The following DTNA variants were observed in gnomAD, a reference collection of about 807,000 sequenced individuals.
DTNA encodes dystrobrevin alpha, also known as dystrophin-related protein 3.
DTNA carries 43 observed loss-of-function variants against 100.7 expected under a neutral mutation model. That is an observed-to-expected ratio of 0.43 (90% CI 0.33 to 0.55). DTNA has a LOEUF of 0.55. Ranked by LOEUF, DTNA falls within the 20% of genes least tolerant of loss-of-function variation. The probability of loss-of-function intolerance (pLI) is 0.04; values close to 1 mark genes in which losing one functional copy is unlikely to be tolerated. For missense variants in DTNA, 798 were observed against 953.9 expected, an observed-to-expected ratio of 0.84 and a Z score of 2.15; for synonymous variants, 349 against 347.9, an observed-to-expected ratio of 1.00 and a Z score of -0.04.
intron 11 of DTNA, among the ~76,000 whole-genome samples, chr18:34,831,636 C>T (rs891217551): frequency 2.0e-5 from 3 of 152,038 alleles, no homozygotes; most frequent in African/African-American, 4.8e-5. Flanking sequence ...GGCACAGTGG[C>T]GGGTGCCTGT....
chr18:34,748,914 A>G (rs1486377912), intron 1 of DTNA, among the ~76,000 whole-genome samples: 6 of 152,112 alleles, frequency 3.9e-5, no homozygotes, highest in Non-Finnish European at 5.9e-5. Context: ...TTTTCACAAT[A>G]TTGATTCTAC....
chr18:34,534,317 A>C (rs189302352), intron 1 of DTNA, among the ~76,000 whole-genome samples: 9 of 152,188 alleles, frequency 5.9e-5, no homozygotes, highest in South Asian at 2.1e-4. Context: ...CAGTCACTTA[A>C]AATAGTATTT....
At chr18:34,555,621 A>G (rs1412884491) in intron 1 of DTNA, among the ~76,000 whole-genome samples, 1 of 151,828 alleles carries the variant, frequency 6.6e-6, no homozygotes, top group Admixed American at 6.6e-5. Flanking sequence ...TTCTGCCTTC[A>G]TTTCGTTATG....
At position 34,882,167 on chromosome 18, in the gene DTNA, A is replaced by C. The variant is rs1005576188; in HGVS notation, c.2261A>C (p.Tyr754Ser). The C allele has an allele frequency of 6.2e-7, 1 of 1,613,916 alleles. No homozygotes were observed. The highest frequency in any genetic ancestry group is 8.5e-7 in the Non-Finnish European group (1 of 1,179,988). ...GAGAATGAGCTCCAGATGGAGGAATACCTGAAACAGAAGCTGCAAGATGAA... is the reference window on the plus strand; with the variant it reads ...GAGAATGAGCTCCAGATGGAGGAATCCCTGAAACAGAAGCTGCAAGATGAA... Reference protein sequence around the residue: ...QLENELQMEEYLKQKLQDEAY... With the variant: ...QLENELQMEESLKQKLQDEAY... Residue 754 changes from tyrosine (Y) to serine (S), a missense_variant, in exon 21 of 23, where the codon TAC (tyrosine) becomes TCC (serine). Coordinates refer to ENST00000444659, the MANE Select transcript of DTNA (RefSeq NM_001386795.1).
At chr18:34,511,354 T>C (rs2041072826) in intron 1 of DTNA, among the ~76,000 whole-genome samples, 1 of 152,256 alleles carries the variant, frequency 6.6e-6, no homozygotes, top group Admixed American at 6.5e-5. Flanking sequence ...TGTGCTAGTA[T>C]TATTAGCTCT....
intron 2 of DTNA, among the ~76,000 whole-genome samples, chr18:34,758,621 C>T (rs2092938146): frequency 6.6e-6 from 1 of 152,102 alleles, no homozygotes; most frequent in South Asian, 2.1e-4. Flanking sequence ...GTGATAAGTC[C>T]TTCAATTATT....
At chr18:34,675,784 A>C (rs562710692) in intron 1 of DTNA, among the ~76,000 whole-genome samples, 1 of 152,202 alleles carries the variant, frequency 6.6e-6, no homozygotes, top group Non-Finnish European at 1.5e-5. Context: ...ACATTCATTC[A>C]TACATCTGTT....
chr18:34,613,050 A>G (rs2054544696), intron 1 of DTNA, among the ~76,000 whole-genome samples: 1 of 152,082 alleles, frequency 6.6e-6, no homozygotes, highest in African/African-American at 2.4e-5. Flanking sequence ...TTTTCCAACA[A>G]CATGTGCTCA....
chr18:34,749,253 A>G (rs1396825754), intron 1 of DTNA, among the ~76,000 whole-genome samples: 2 of 152,114 alleles, frequency 1.3e-5, no homozygotes, highest in African/African-American at 4.8e-5. Context: ...GTGCAGTCAC[A>G]TCATCAGTGA....
intron 1 of DTNA, among the ~76,000 whole-genome samples, chr18:34,545,644 A>T (rs1474197650): frequency 6.6e-6 from 1 of 152,222 alleles, no homozygotes; most frequent in African/African-American, 2.4e-5. Flanking sequence ...TGAGTAACAA[A>T]ATGTCAGATA....
intron 1 of DTNA, among the ~76,000 whole-genome samples, chr18:34,541,301 C>G (rs925794767): frequency 6.6e-6 from 1 of 151,950 alleles, no homozygotes; most frequent in South Asian, 2.1e-4. Context: ...AAAAGAGAAC[C>G]ATTTCAGCTA....
At chr18:34,766,654 C>T (rs2093490720) in intron 3 of DTNA, among the ~76,000 whole-genome samples, 1 of 152,032 alleles carries the variant, frequency 6.6e-6, no homozygotes, top group South Asian at 2.1e-4. Flanking sequence ...CACATGTACC[C>T]TAAAACTTAA....
At chr18:34,738,776 A>C (rs1227227811) in intron 1 of DTNA, among the ~76,000 whole-genome samples, 1 of 152,194 alleles carries the variant, frequency 6.6e-6, no homozygotes, top group Non-Finnish European at 1.5e-5. Context: ...TTGTGCATAC[A>C]TAGCTAACAG....
chr18:34,888,165 C>T lies in DTNA; in HGVS notation c.*431C>T. ...TTAAACCTTTGCACATGATATTGAACCTGTTCAGTTTACAATGACAATATT... is the reference window on the plus strand; with the variant it reads ...TTAAACCTTTGCACATGATATTGAATCTGTTCAGTTTACAATGACAATATT... On this transcript the variant is annotated 3_prime_UTR_variant, in exon 23 of 23. Coordinates refer to ENST00000444659, the MANE Select transcript of DTNA (RefSeq NM_001386795.1). The T allele has an allele frequency of 1.0e-6, 1 of 985,814 alleles. No individual in the cohort carries two copies. Among genetic ancestry groups the T allele is most frequent in the Non-Finnish European group, 1.2e-6 (1 of 829,924 alleles). 61.1% of individuals were successfully genotyped at this position (985,814 alleles called of 1,614,324 possible). A position where few individuals can be genotyped will look rare whatever the true frequency, so the allele number is the denominator to read the frequency against.
chr18:34,626,485 T>G (rs980582727), intron 1 of DTNA, among the ~76,000 whole-genome samples: 2 of 152,146 alleles, frequency 1.3e-5, no homozygotes, highest in East Asian at 3.9e-4. Flanking sequence ...TGTAAGGCTG[T>G]TTTCTGTTTG....
At chr18:34,677,671 C>T (rs2077554944) in intron 1 of DTNA, among the ~76,000 whole-genome samples, 1 of 152,058 alleles carries the variant, frequency 6.6e-6, no homozygotes, top group East Asian at 1.9e-4. Context: ...GTCTAATCTA[C>T]TCCGACTCCA....
intron 2 of DTNA, among the ~76,000 whole-genome samples, chr18:34,758,768 CAG>C (rs1229650931): frequency 6.6e-6 from 1 of 152,100 alleles, no homozygotes; most frequent in African/African-American, 2.4e-5. Flanking sequence ...TGTAAGAAAA[CAG>C]AGGTCAGAAG....
chr18:34,564,858 A>G (rs2046950246), intron 1 of DTNA, among the ~76,000 whole-genome samples: 1 of 152,174 alleles, frequency 6.6e-6, no homozygotes. Flanking sequence ...GAGTGCATGC[A>G]TGTGTGTGGC....
chr18:34,755,972 A>G lies in DTNA; in HGVS notation c.-1-4A>G, dbSNP rs774068374. 6.2e-7 allele frequency: 1 copy of G among 1,612,726 alleles called. No homozygotes were observed. The highest frequency in any genetic ancestry group is 1.3e-5 in the African/African-American group (1 of 74,886). ...ATACACATTGTAACTATTTTGTCTC[A>G]TAGAATGATTGAAGATAGTGGGAAA... is the stretch of plus-strand genomic sequence containing the variant. On this transcript the variant is annotated splice_region_variant and splice_polypyrimidine_tract_variant and intron_variant, in intron 1 of 22. Coordinates refer to ENST00000444659, the MANE Select transcript of DTNA (RefSeq NM_001386795.1).
Sources: gnomAD v4.1 joint callset for allele counts (sites outside exome capture counted in the v4.1 genomes callset) on GRCh38, gnomAD v4.1.1 for gene constraint, MANE v1.5 for transcripts, NCBI Gene and HGNC (gene_info 2026-07-23, HGNC 2026-07-21) for gene names.